The following CMYA5 variants were observed in gnomAD, a reference collection of about 807,000 sequenced individuals.
CMYA5 encodes the protein cardiomyopathy-associated protein 5.
CMYA5 carries 246 observed loss-of-function variants against 318.9 expected under a neutral mutation model. The observed-to-expected ratio is 0.77, with a 90% CI of 0.70 to 0.86. The LOEUF is 0.86. Ranked by LOEUF, CMYA5 falls within the 40% of genes least tolerant of loss-of-function variation. CMYA5 has a pLI of 0.00. For synonymous variants in CMYA5, 1,641 were observed against 1,729.5 expected, an observed-to-expected ratio of 0.95 and a Z score of 1.27; for missense variants, 4,589 against 4,678.2, an observed-to-expected ratio of 0.98 and a Z score of 0.56.
At chr5:79,692,946 A>C (rs2055432) in intron 1 of CMYA5, among the ~76,000 whole-genome samples, 97,657 of 152,050 alleles carry the variant, frequency 0.64, 33,396 homozygotes, top group African/African-American at 0.89. Flanking sequence ...TACAAAAATA[A>C]GAATCCATTA....
At chr5:79,695,229 A>G (rs1561624820) in intron 1 of CMYA5, among the ~76,000 whole-genome samples, 1 of 152,244 alleles carries the variant, frequency 6.6e-6, no homozygotes, top group Non-Finnish European at 1.5e-5. Flanking sequence ...GTGGCTGTAC[A>G]TGAAAATAAC....
intron 1 of CMYA5, among the ~76,000 whole-genome samples, chr5:79,724,087 G>T (rs1002104758): frequency 3.3e-5 from 5 of 152,062 alleles, no homozygotes; most frequent in African/African-American, 1.2e-4. Flanking sequence ...GGAGGCCGAG[G>T]TGGGTGGACC....
chr5:79,711,893 G>A (rs1827397802), intron 1 of CMYA5, among the ~76,000 whole-genome samples: 1 of 152,186 alleles, frequency 6.6e-6, no homozygotes, highest in South Asian at 2.1e-4. Flanking sequence ...AAGAGAACGT[G>A]TATGGTTGTT....
intron 5 of CMYA5, among the ~76,000 whole-genome samples, chr5:79,748,294 G>A (rs1828365265): frequency 1.3e-5 from 2 of 151,920 alleles, no homozygotes; most frequent in African/African-American, 2.4e-5. Context: ...TCTATCCTTC[G>A]TCCCAGTAAT....
intron 1 of CMYA5, among the ~76,000 whole-genome samples, chr5:79,714,431 CTTT>C (rs71615553): frequency 9.9e-6 from 1 of 100,678 alleles, no homozygotes; most frequent in Non-Finnish European, 1.9e-5. Context: ...TTTTCTTTTT[CTTT>C]TTTTTTTTTT....
rs1449756864 is a variant in CMYA5, at chr5:79,738,192, G to T, written c.9427G>T (p.Asp3143Tyr). 8.1e-6 allele frequency: 13 copies of T among 1,613,722 alleles called. No individual in the cohort carries two copies. The highest frequency in any genetic ancestry group is 1.3e-5 in the African/African-American group (1 of 74,908). ...CTCAGCTGACAGGAATGTTTCAAAG[G>T]ACACAAAGAGAGATGTGGACTCAAA... is the stretch of plus-strand genomic sequence containing the variant. The part of the protein sequence containing the change: ...QNSADRNVSK[D>Y]TKRDVDSKSP... The change falls in exon 2 of 13, where the codon GAC becomes TAC. Residue 3143 changes from aspartate (D) to tyrosine (Y), a missense_variant. Physicochemically the swap from Asp to Tyr is radical, Grantham distance 160. Around this residue, in one of 3 missense-constraint regions of CMYA5, gnomAD observed 2,431 missense variants for 2,495.1 expected, o/e 0.97. Transcript: ENST00000446378.
chr5:79,774,562 A>C (rs931678245), intron 9 of CMYA5: 3 of 152,214 alleles, frequency 2.0e-5, no homozygotes, highest in Admixed American at 6.5e-5. Flanking sequence ...TTGAATGACA[A>C]ATCTGTGAGA....
At chr5:79,721,554 A>C (rs12518982) in intron 1 of CMYA5, among the ~76,000 whole-genome samples, 35,106 of 152,128 alleles carry the variant, frequency 0.23, 4,185 homozygotes, top group East Asian at 0.36. Context: ...ACATATCTAA[A>C]GTATAAAGAT....
chr5:79,731,408 T>C lies in CMYA5; in HGVS notation c.2643T>C (p.Val881=). The C allele has an allele frequency of 6.2e-7, 1 of 1,613,776 alleles. No homozygotes were observed. The highest frequency in any genetic ancestry group is 8.5e-7 in the Non-Finnish European group (1 of 1,179,860). ...CAGCCACCCCATCTGAATATGTTGT[T>C]CTATCAGACGAAGAGGCAGTCGAGT... is the stretch of plus-strand genomic sequence containing the variant. The part of the protein sequence containing the change: ...PLSATPSEYV[V]LSDEEAVELE... The change falls in exon 2 of 13, where the codon GTT becomes GTC. Residue 881 remains valine (V), a synonymous_variant. Transcript: ENST00000446378.
intron 1 of CMYA5, among the ~76,000 whole-genome samples, chr5:79,727,920 G>T (rs1827780826): frequency 6.6e-6 from 1 of 152,230 alleles, no homozygotes; most frequent in Non-Finnish European, 1.5e-5. Flanking sequence ...TGTAGCAGCT[G>T]CAAGTGATCA....
chr5:79,767,234 A>C (rs919795820), intron 9 of CMYA5, among the ~76,000 whole-genome samples: 1 of 151,796 alleles, frequency 6.6e-6, no homozygotes, highest in African/African-American at 2.4e-5. Context: ...CTATTTTGTT[A>C]ATCTTTTCAA....
intron 1 of CMYA5, among the ~76,000 whole-genome samples, chr5:79,697,746 C>G (rs943556183): frequency 1.3e-5 from 2 of 152,104 alleles, no homozygotes; most frequent in Non-Finnish European, 2.9e-5. Flanking sequence ...ATAATACACA[C>G]CTGTTTTTAT....
At position 79,734,787 on chromosome 5, in the gene CMYA5, AAGG is replaced by A; in HGVS notation, c.6025_6027del (p.Glu2009del). The A allele has an allele frequency of 6.2e-7, 1 of 1,613,776 alleles. No homozygotes were observed. The highest frequency in any genetic ancestry group is 1.1e-5 in the South Asian group (1 of 91,070). ...TGTAGAGAGAAACATAGCAGAGGGG[AAGG>A]AGATTCATTCTTTGATGGAGAGTGA... is the stretch of plus-strand genomic sequence containing the variant. On this transcript the variant is annotated inframe_deletion, in exon 2 of 13. Transcript: ENST00000446378.
At chr5:79,726,840 A>G (rs2151083172) in intron 1 of CMYA5, among the ~76,000 whole-genome samples, 1 of 151,660 alleles carries the variant, frequency 6.6e-6, no homozygotes, top group Non-Finnish European at 1.5e-5. Flanking sequence ...ACAAACCAGG[A>G]AGGGTTTGCA....
rs372336841 is a variant in CMYA5, at chr5:79,730,473, T to G, written c.1708T>G (p.Ser570Ala). 1.9e-5 allele frequency: 31 copies of G among 1,613,758 alleles called. No homozygotes were observed. Among genetic ancestry groups the G allele is most frequent in the South Asian group, 1.4e-4 (13 of 91,076 alleles). Residue 570 changes from serine to alanine, a missense_variant, in exon 2 of 13, where the codon TCA (serine) becomes GCA (alanine). This residue lies in a region of CMYA5 where 2,132 missense variants were observed against 2,131.3 expected (regional missense o/e 1.00). Coordinates refer to ENST00000446378, the MANE Select transcript of CMYA5 (RefSeq NM_153610.5). ...GCTTATTCTACCATTATTGGCAGCA[T>G]CATCTCCTGAACATGTTGCTTTGTC... ...EELILPLLAA[S>A]SPEHVALSEE... is the part of the protein sequence containing the mutation.
intron 12 of CMYA5, among the ~76,000 whole-genome samples, chr5:79,794,261 C>T (rs534689161): frequency 6.6e-6 from 1 of 152,326 alleles, no homozygotes; most frequent in South Asian, 2.1e-4. Flanking sequence ...ACTACAGTGG[C>T]AGAGGTGACA....
In CMYA5 at chr5:79,737,511, G is replaced by A. The variant is rs1205466901; in HGVS notation, c.8746G>A (p.Glu2916Lys). ...GGTTTCTAATAAAGAAATGCCCAAGGAACCTGAAGACACATATGCAAAAGG... is the reference window on the plus strand; with the variant it reads ...GGTTTCTAATAAAGAAATGCCCAAGAAACCTGAAGACACATATGCAAAAGG... ...KMVSNKEMPK[E>K]PEDTYAKGED... Residue 2916 changes from glutamate (E) to lysine (K), a missense_variant, in exon 2 of 13, where the codon GAA becomes AAA. Physicochemically the swap from Glu to Lys is moderately conservative, Grantham distance 56 (BLOSUM62 1). This residue lies in a region of CMYA5 where 2,431 missense variants were observed against 2,495.1 expected (regional missense o/e 0.97). Transcript: ENST00000446378. The A allele has an allele frequency of 2.5e-6, 4 of 1,613,476 alleles. No homozygotes were observed. The highest frequency in any genetic ancestry group is 3.3e-4 in the Middle Eastern group (2 of 6,056).
At chr5:79,778,841 T>TGTGTGTGTGTGTGTGTG (rs1410217042) in intron 9 of CMYA5, among the ~76,000 whole-genome samples, 5 of 63,444 alleles carry the variant, frequency 7.9e-5, no homozygotes, top group African/African-American at 4.2e-4. Context: ...GTGTGTATGT[T>TGTGTGTGTGTGTGTGTG]TATTCACTCA....
rs1390090519 is a variant in CMYA5, at chr5:79,762,045, C to A, written c.11407+88C>A. The A allele has an allele frequency of 2.8e-6, 4 of 1,410,184 alleles. No homozygotes were observed. In the Admixed American group the frequency reaches 9.3e-5, roughly 33 times the overall value. 87.4% of individuals were successfully genotyped at this position (1,410,184 alleles called of 1,614,324 possible). A position where few individuals can be genotyped will look rare whatever the true frequency, so the allele number is the denominator to read the frequency against. The stretch of plus-strand genomic sequence containing the variant: ...GATCAGCCAGTAAGTGTTTATTAAG[C>A]ACCTATTGTGTGTTGAGTGTTGTGC... On this transcript the variant is annotated intron_variant, in intron 8 of 12. Coordinates refer to ENST00000446378, the MANE Select transcript of CMYA5 (RefSeq NM_153610.5).
Sources: allele counts gnomAD v4.1 joint callset (sites outside exome capture counted in the v4.1 genomes callset), GRCh38; gene constraint gnomAD v4.1.1; regional missense constraint gnomAD v4.1.1; transcripts MANE v1.5; gene names NCBI Gene and HGNC (gene_info 2026-07-23, HGNC 2026-07-21).